GPR161: variants seen among roughly 807,000 people sequenced by gnomAD.
The protein encoded by GPR161 is G protein-coupled receptor 161, also known as G-protein coupled receptor RE2.
A neutral mutation model predicts 39.2 loss-of-function variants in GPR161; 25 were observed. The ratio of observed to expected loss-of-function variants is 0.64; its 90% CI spans 0.47 to 0.89. GPR161 has a LOEUF of 0.89. GPR161 is among the 40% of genes least tolerant of loss of function. The probability of loss-of-function intolerance (pLI) is 0.00; values close to 1 mark genes in which losing one functional copy is unlikely to be tolerated. For missense variants in GPR161, 547 were observed against 677.8 expected (o/e 0.81, Z 2.14); for synonymous variants, 286 against 276.6 (o/e 1.03, Z -0.34).
Position 168,090,596 on chromosome 1 carries a change from C to G in GPR161, c.1172G>C (p.Gly391Ala). The G allele has an allele frequency of 1.2e-6, 2 of 1,610,944 alleles. No individual in the cohort carries two copies. Among genetic ancestry groups the G allele is most frequent in the Non-Finnish European group, 1.7e-6 (2 of 1,177,250 alleles). ...CTGGGAGCAGCTGAAGCCAGTGTCC[C>G]CCGTGCTGCTGCTGTGCCCCAGGGG... ...GQPLGHSSST[G>A]DTGFSCSQDS... is the part of the protein sequence containing the mutation. Residue 391 changes from glycine to alanine, a missense_variant, in exon 4 of 6, where the codon GGG becomes GCG. Physicochemically the swap from Gly to Ala is moderately conservative, Grantham distance 60. Coordinates refer to ENST00000682931, the MANE Select transcript of GPR161 (RefSeq NM_001375883.1).
At chr1:168,123,050 A>C (rs1698306939) in intron 1 of GPR161, among the ~76,000 whole-genome samples, 1 of 152,244 alleles carries the variant, frequency 6.6e-6, no homozygotes, top group Non-Finnish European at 1.5e-5. Flanking sequence ...TTTACTCTGC[A>C]GAAGAGTAGC....
chr1:168,088,683 A>G (rs1370345086), intron 4 of GPR161: 1 of 152,284 alleles, frequency 6.6e-6, no homozygotes, highest in Non-Finnish European at 1.5e-5. Context: ...AACATCTAGC[A>G]TAGTGCTTGC....
chr1:168,115,603 C>G (rs985200317), intron 1 of GPR161, among the ~76,000 whole-genome samples: 1 of 152,062 alleles, frequency 6.6e-6, no homozygotes, highest in African/African-American at 2.4e-5. Context: ...CTCCACAATA[C>G]CCTTCATTTA....
At chr1:168,109,717 A>C (rs1696941552) in intron 1 of GPR161, among the ~76,000 whole-genome samples, 1 of 152,246 alleles carries the variant, frequency 6.6e-6, no homozygotes, top group Admixed American at 6.5e-5. Flanking sequence ...CTGTAATCCC[A>C]GCACTTTGGG....
intron 1 of GPR161, among the ~76,000 whole-genome samples, chr1:168,133,703 C>T (rs1395920087): frequency 6.6e-6 from 1 of 152,174 alleles, no homozygotes; most frequent in East Asian, 1.9e-4. Context: ...TCAAGCGATC[C>T]TCCCACCTCA....
rs541512396 is a variant in GPR161, at chr1:168,080,562, T to C, written c.*4969A>G. ...GGCTCCATCTGGGGTTCTGCATATATTGTGGGTAGCATCCCTGCCCTGCCT... is the reference window on the plus strand; with the variant it reads ...GGCTCCATCTGGGGTTCTGCATATACTGTGGGTAGCATCCCTGCCCTGCCT... On this transcript the variant is annotated 3_prime_UTR_variant, in exon 6 of 6. Transcript: ENST00000682931. 4 of 152,374 alleles carry C rather than the reference T, an allele frequency of 2.6e-5. No homozygotes were observed. Among genetic ancestry groups the C allele is most frequent in the African/African-American group, 9.6e-5 (4 of 41,570 alleles). 9.4% of individuals were successfully genotyped at this position (152,374 alleles called of 1,614,324 possible). A position where few individuals can be genotyped will look rare whatever the true frequency, so the allele number is the denominator to read the frequency against.
intron 1 of GPR161, among the ~76,000 whole-genome samples, chr1:168,130,716 G>A (rs535039705): frequency 3.7e-4 from 56 of 152,226 alleles, no homozygotes; most frequent in African/African-American, 1.3e-3. Context: ...ACTCTTTGGT[G>A]CTCCAGATTC....
chr1:168,112,495 A>G (rs1697275060), intron 1 of GPR161, among the ~76,000 whole-genome samples: 3 of 148,442 alleles, frequency 2.0e-5, no homozygotes, highest in South Asian at 4.2e-4. Context: ...AAAAAAAAAA[A>G]AAAAAAAAAA....
chr1:168,104,452 T>C, intron 2 of GPR161, 25 bp downstream of exon 2: 2 of 1,590,970 alleles, frequency 1.3e-6, no homozygotes, highest in African/African-American at 2.7e-5. Flanking sequence ...AATCCCTCAA[T>C]TCTCTAAGTC....
chr1:168,090,861 G>GCACT (rs1694995438), intron 3 of GPR161, among the ~76,000 whole-genome samples, 193 bp from the exon 4 acceptor site: 1 of 152,218 alleles, frequency 6.6e-6, no homozygotes, highest in African/African-American at 2.4e-5. Flanking sequence ...TGTGTCAGCA[G>GCACT]CACTCACTGG....
rs576801786 is a variant in GPR161, at chr1:168,086,081, T to G, written c.1325-285A>C. Among the ~76,000 whole-genome samples the G allele has an allele frequency of 1.4e-4, 22 of 152,356 alleles. No homozygotes were observed. In the South Asian group the frequency reaches 3.9e-3, roughly 27 times the overall value. On this transcript the variant is annotated intron_variant, in intron 5 of 5. Coordinates refer to ENST00000682931, the MANE Select transcript of GPR161 (RefSeq NM_001375883.1). Reference sequence around the variant, plus strand: ...TACTGTGATAACTAAAGGAGATAATTCTTTCTAAGATGTTTGGCCTATGTC... The same window carrying G: ...TACTGTGATAACTAAAGGAGATAATGCTTTCTAAGATGTTTGGCCTATGTC...
chr1:168,087,823 T>G (rs1312409104), intron 4 of GPR161, 119 bp from the exon 5 acceptor site: 5 of 1,009,736 alleles, frequency 5.0e-6, no homozygotes, highest in Non-Finnish European at 7.2e-6. Flanking sequence ...CATCATCAAG[T>G]GGAGCTGACT....
intron 1 of GPR161, among the ~76,000 whole-genome samples, chr1:168,120,462 C>T (rs1271309304): frequency 3.3e-5 from 5 of 152,246 alleles, no homozygotes; most frequent in Admixed American, 6.5e-5. Flanking sequence ...CCTTGTCTTA[C>T]GTGAGACTTT....
In GPR161 at chr1:168,084,899, A is replaced by G. The variant is rs1694327116; in HGVS notation, c.*632T>C. ...TAGGCAGGGTGGGCCAGTCTGCAAG[A>G]GGCCTGTGGCTGTCCCTATTAGCAC... On this transcript the variant is annotated 3_prime_UTR_variant, in exon 6 of 6. Coordinates refer to ENST00000682931, the MANE Select transcript of GPR161 (RefSeq NM_001375883.1). 1 of 456,144 alleles carries G rather than the reference A, an allele frequency of 2.2e-6. No individual in the cohort carries two copies. Among genetic ancestry groups the G allele is most frequent in the African/African-American group, 2.0e-5 (1 of 50,082 alleles). 28.3% of individuals were successfully genotyped at this position (456,144 alleles called of 1,614,324 possible).
intron 1 of GPR161, among the ~76,000 whole-genome samples, chr1:168,114,175 T>C (rs1000360942): frequency 2.6e-5 from 4 of 152,190 alleles, no homozygotes; most frequent in African/African-American, 9.7e-5. Flanking sequence ...TTTTGTGGTC[T>C]CATATTTTTA....
At chr1:168,132,444 C>T (rs1269435405) in intron 1 of GPR161, among the ~76,000 whole-genome samples, 2 of 151,272 alleles carry the variant, frequency 1.3e-5, no homozygotes, top group African/African-American at 2.4e-5. Context: ...AAAAATTAGC[C>T]GGGCGTGGTG....
At chr1:168,115,162 A>G (rs552725928) in intron 1 of GPR161, among the ~76,000 whole-genome samples, 126 of 152,310 alleles carry the variant, frequency 8.3e-4, no homozygotes, top group African/African-American at 2.8e-3. Context: ...TGGGGAGGAC[A>G]CAGGTGAATT....
In GPR161 at chr1:168,084,081, C is replaced by T. The variant is rs1694257503; in HGVS notation, c.*1450G>A. 6.5e-6 allele frequency: 1 copy of T among 153,580 alleles called. No homozygotes were observed. Among genetic ancestry groups the T allele is most frequent in the African/African-American group, 2.4e-5 (1 of 41,472 alleles). 9.5% of individuals were successfully genotyped at this position (153,580 alleles called of 1,614,324 possible). A position where few individuals can be genotyped will look rare whatever the true frequency, so the allele number is the denominator to read the frequency against. Reference sequence around the variant, plus strand: ...CAATTACTCCAGGACCAAACTTCAACTGCTGTTCCAGCACAAAGGGAGGAG... The same window carrying T: ...CAATTACTCCAGGACCAAACTTCAATTGCTGTTCCAGCACAAAGGGAGGAG... On this transcript the variant is annotated 3_prime_UTR_variant, in exon 6 of 6. Transcript: ENST00000682931.
At chr1:168,137,172 G>A, upstream of GPR161, 2 of 1,397,272 alleles carry the variant, frequency 1.4e-6, no homozygotes, top group Non-Finnish European at 1.9e-6. Context: ...TACCCTCTCG[G>A]CTCGCCCCAC....
Sources: gnomAD v4.1 joint callset for allele counts (sites outside exome capture counted in the v4.1 genomes callset) on GRCh38, gnomAD v4.1.1 for gene constraint, MANE v1.5 for transcripts, NCBI Gene and HGNC (gene_info 2026-07-23, HGNC 2026-07-21) for gene names.